The following INPP4A variants were observed in gnomAD, a reference collection of about 807,000 sequenced individuals.
INPP4A encodes inositol polyphosphate-4-phosphatase type I A.
Under a neutral mutation model 119.8 loss-of-function variants are expected in INPP4A, and 33 were observed. That is an observed-to-expected ratio of 0.28 (90% confidence interval 0.21 to 0.37). The LOEUF (loss-of-function observed/expected upper bound fraction) is 0.37, where lower values mean the gene tolerates loss of function less well. Among genes scored for constraint, INPP4A ranks in the 10% least tolerant of loss-of-function variants. The pLI, the probability that INPP4A is intolerant of heterozygous loss-of-function variation, is 1.00. For synonymous variants in INPP4A, 496 were observed against 500.7 expected, an observed-to-expected ratio of 0.99 and a Z score of 0.12; for missense variants, 956 against 1,289.9, an observed-to-expected ratio of 0.74 and a Z score of 3.97.
At chr2:98,561,069 CACTT>C (rs1165768592) in intron 17 of INPP4A, among the ~76,000 whole-genome samples, 6 of 152,194 alleles carry the variant, frequency 3.9e-5, no homozygotes, top group South Asian at 2.1e-4. Context: ...AAAATATACA[CACTT>C]ACAAAGGCAC....
At chr2:98,482,154 G>A (rs554443941) in intron 1 of INPP4A, among the ~76,000 whole-genome samples, 3 of 152,340 alleles carry the variant, frequency 2.0e-5, no homozygotes, top group Middle Eastern at 3.4e-3. Context: ...CAGAAGCCAC[G>A]TTAAAGTGGC....
chr2:98,487,836 A>G (rs935208753), intron 1 of INPP4A, among the ~76,000 whole-genome samples: 1 of 152,218 alleles, frequency 6.6e-6, no homozygotes, highest in Non-Finnish European at 1.5e-5. Flanking sequence ...GTGTAAAACT[A>G]TTCTTAGACT....
At chr2:98,460,385 G>A (rs751489972) in intron 1 of INPP4A, among the ~76,000 whole-genome samples, 4 of 152,110 alleles carry the variant, frequency 2.6e-5, no homozygotes, top group Non-Finnish European at 4.4e-5. Context: ...AATGCATCAG[G>A]AAGGAGGCTC....
intron 16 of INPP4A, among the ~76,000 whole-genome samples, chr2:98,558,681 A>G (rs543330490): frequency 1.6e-4 from 24 of 152,234 alleles, no homozygotes; most frequent in Non-Finnish European, 2.9e-4. Flanking sequence ...ATAAATTAAC[A>G]TAAATGTTTT....
intron 10 of INPP4A, among the ~76,000 whole-genome samples, chr2:98,539,901 G>C (rs1479347003): frequency 3.3e-5 from 5 of 152,106 alleles, no homozygotes; most frequent in Non-Finnish European, 5.9e-5. Flanking sequence ...ACCCAGATGT[G>C]TGCCCCACAC....
chr2:98,572,121 G>A (rs1484192079), intron 22 of INPP4A: 1 of 152,324 alleles, frequency 6.6e-6, no homozygotes, highest in African/African-American at 2.4e-5. Context: ...TGACCTTGAG[G>A]CTCTTCTCTT....
rs1311394106 is a variant in INPP4A, at chr2:98,570,142, G to A, written c.2518+1474G>A. Reference sequence around the variant, plus strand: ...GGGCCGTCCCGCTGATGAGAGAGGCGCAGGGCTACAGGGGACCGACAGCGA... The same window carrying A: ...GGGCCGTCCCGCTGATGAGAGAGGCACAGGGCTACAGGGGACCGACAGCGA... On this transcript the variant is annotated intron_variant, in intron 22 of 24. Coordinates refer to ENST00000409851, the MANE Select transcript of INPP4A (RefSeq NM_001134225.2). This position sits in a 1 kb window ranked among gnomAD's most constrained non-coding sequence, Gnocchi z 4.3. Among the ~76,000 whole-genome samples, 5 of 152,172 alleles carry A rather than the reference G, an allele frequency of 3.3e-5. No individual in the cohort carries two copies. Among genetic ancestry groups the A allele is most frequent in the East Asian group, 1.9e-4 (1 of 5,188 alleles).
intron 11 of INPP4A, 50 bp from the exon 12 acceptor site, chr2:98,545,919 A>G: frequency 7.6e-7 from 1 of 1,309,284 alleles, no homozygotes; most frequent in East Asian, 2.6e-5. Flanking sequence ...CAACTCGTGA[A>G]TGCAGCATGT....
At chr2:98,512,321 T>C (rs1488377091) in intron 1 of INPP4A, among the ~76,000 whole-genome samples, 1 of 152,106 alleles carries the variant, frequency 6.6e-6, no homozygotes, top group Non-Finnish European at 1.5e-5. Context: ...GCTGAGCAAG[T>C]GGGTGGATTC....
chr2:98,585,411 A>G (rs761155216), intron 24 of INPP4A, among the ~76,000 whole-genome samples: 1 of 152,272 alleles, frequency 6.6e-6, no homozygotes, highest in Non-Finnish European at 1.5e-5. Flanking sequence ...AATAAAAGTA[A>G]TCATGGAGCT....
At chr2:98,535,557 A>T (rs1193453269) in intron 5 of INPP4A, among the ~76,000 whole-genome samples, 172 bp from the exon 6 acceptor site, 1 of 152,042 alleles carries the variant, frequency 6.6e-6, no homozygotes, top group Admixed American at 6.6e-5. Context: ...TAAAAAGCAG[A>T]GTTTTTTTGT....
At chr2:98,542,917 G>C (rs1311988900) in intron 10 of INPP4A, among the ~76,000 whole-genome samples, 1 of 151,716 alleles carries the variant, frequency 6.6e-6, no homozygotes, top group Non-Finnish European at 1.5e-5. Context: ...TTTAGGTTCA[G>C]ACAGCTCCTC....
At chr2:98,468,735 T>C (rs1354852710) in intron 1 of INPP4A, among the ~76,000 whole-genome samples, 1 of 152,194 alleles carries the variant, frequency 6.6e-6, no homozygotes, top group Non-Finnish European at 1.5e-5. Flanking sequence ...AGGATGATGA[T>C]AGAAGTCGAT....
chr2:98,447,362 C>T (rs923580046), intron 1 of INPP4A, among the ~76,000 whole-genome samples: 7 of 135,514 alleles, frequency 5.2e-5, no homozygotes, highest in South Asian at 2.4e-4. Flanking sequence ...GCCTTCGAAA[C>T]GGCTTTTTTT....
intron 1 of INPP4A, among the ~76,000 whole-genome samples, chr2:98,499,858 C>T (rs980087702): frequency 3.3e-5 from 5 of 152,138 alleles, no homozygotes; most frequent in African/African-American, 9.7e-5. Flanking sequence ...AGATTGACGG[C>T]CTTCAGTGAT....
chr2:98,448,606 A>G (rs1694674889), intron 1 of INPP4A, among the ~76,000 whole-genome samples: 1 of 151,958 alleles, frequency 6.6e-6, no homozygotes, highest in Non-Finnish European at 1.5e-5. Flanking sequence ...AATGCCCTCA[A>G]TTGGGTTTCC....
chr2:98,474,963 A>C (rs556809621), intron 1 of INPP4A, among the ~76,000 whole-genome samples: 1 of 152,254 alleles, frequency 6.6e-6, no homozygotes, highest in East Asian at 1.9e-4. Flanking sequence ...AAGGAGCTAC[A>C]GGAGACAAGG....
At chr2:98,445,273 A>C (rs1350037986) in intron 1 of INPP4A, among the ~76,000 whole-genome samples, 188 bp downstream of exon 1, 1 of 152,022 alleles carries the variant, frequency 6.6e-6, no homozygotes, top group Non-Finnish European at 1.5e-5. Flanking sequence ...TTTTGAGAAC[A>C]ATCCGAGCCC....
At chr2:98,450,251 A>C (rs1406297837) in intron 1 of INPP4A, among the ~76,000 whole-genome samples, 1 of 152,208 alleles carries the variant, frequency 6.6e-6, no homozygotes, top group Non-Finnish European at 1.5e-5. Flanking sequence ...AGGGTAGTTA[A>C]AAGAGGCTCA....
Sources: gnomAD v4.1 joint callset for allele counts (sites outside exome capture counted in the v4.1 genomes callset) on GRCh38, gnomAD v4.1.1 for gene constraint, Gnocchi (gnomAD v3.1) non-coding constraint, MANE v1.5 for transcripts, NCBI Gene and HGNC (gene_info 2026-07-23, HGNC 2026-07-21) for gene names.